SLC2A12: variants seen among roughly 807,000 people sequenced by gnomAD.
SLC2A12 encodes solute carrier family 2, facilitated glucose transporter member 12.
In SLC2A12, 23 loss-of-function variants were observed where a neutral mutation model predicts 41.8. The observed-to-expected ratio is 0.55, with a 90% CI of 0.40 to 0.78. SLC2A12 has a LOEUF of 0.78. SLC2A12 is among the 30% of genes least tolerant of loss of function. The pLI, the probability that SLC2A12 is intolerant of heterozygous loss-of-function variation, is 0.00. For missense variants in SLC2A12, 654 were observed against 745.6 expected (o/e 0.88, Z 1.43); for synonymous variants, 295 against 285.9 (o/e 1.03, Z -0.32).
At chr6:134,047,849 C>G (rs1262487432) in intron 1 of SLC2A12, among the ~76,000 whole-genome samples, 1 of 152,198 alleles carries the variant, frequency 6.6e-6, no homozygotes, top group Non-Finnish European at 1.5e-5. Context: ...TCAGATGGGC[C>G]CAACCTCTTG....
At chr6:134,005,043 C>T (rs570224157) in intron 3 of SLC2A12, among the ~76,000 whole-genome samples, 9 of 152,234 alleles carry the variant, frequency 5.9e-5, no homozygotes, top group African/African-American at 2.2e-4. Flanking sequence ...TTTATTTTAG[C>T]TCTATCATTC....
At chr6:133,999,539 G>GCCTTCACTAC (rs1228676362) in intron 4 of SLC2A12, among the ~76,000 whole-genome samples, 5 of 152,134 alleles carry the variant, frequency 3.3e-5, no homozygotes, top group Non-Finnish European at 7.4e-5. Flanking sequence ...GCTTCTTTCT[G>GCCTTCACTAC]CCTTCACTAC....
At chr6:133,998,525 T>A (rs1180103277) in intron 4 of SLC2A12, among the ~76,000 whole-genome samples, 1 of 152,210 alleles carries the variant, frequency 6.6e-6, no homozygotes, top group Non-Finnish European at 1.5e-5. Context: ...TCACAATAAT[T>A]CACAAAATTT....
chr6:134,029,286 AG>A lies in SLC2A12; in HGVS notation c.538del (p.Leu180PhefsTer24), dbSNP rs761340244. On this transcript the variant is annotated frameshift_variant, in exon 2 of 5. Transcript: ENST00000275230. LOFTEE classifies it high-confidence loss of function. ...TGCGTAATTTGAAATATAGGCAGAA[AG>A]AATGCCGATGACAATCATCAGCTCA... ...LNELMIVIGI[L>X]SAYISNYAFA... is the part of the protein sequence containing the mutation. 2 of 1,614,248 alleles carry A rather than the reference AG, an allele frequency of 1.2e-6. No homozygotes were observed. The highest frequency in any genetic ancestry group is 1.7e-6 in the Non-Finnish European group (2 of 1,180,044).
intron 4 of SLC2A12, among the ~76,000 whole-genome samples, chr6:133,992,280 A>C (rs780063701): frequency 3.3e-5 from 5 of 152,210 alleles, no homozygotes; most frequent in Non-Finnish European, 7.3e-5. Context: ...GTGTGTGGGC[A>C]TAGATGTAGG....
intron 2 of SLC2A12, among the ~76,000 whole-genome samples, chr6:134,011,696 C>T (rs1368214591): frequency 6.6e-6 from 1 of 152,020 alleles, no homozygotes; most frequent in Non-Finnish European, 1.5e-5. Flanking sequence ...CACGCCACTG[C>T]ACTACAGCCC....
intron 2 of SLC2A12, among the ~76,000 whole-genome samples, chr6:134,016,063 C>T (rs1024065512): frequency 6.6e-6 from 1 of 152,060 alleles, no homozygotes; most frequent in Non-Finnish European, 1.5e-5. Flanking sequence ...GGTTGGGAGC[C>T]AGTTCTCCGT....
chr6:133,990,912 T>G lies in SLC2A12; in HGVS notation c.*243A>C. The G allele has an allele frequency of 2.6e-6, 1 of 388,846 alleles. No individual in the cohort carries two copies. Among genetic ancestry groups the G allele is most frequent in the Non-Finnish European group, 4.5e-6 (1 of 220,926 alleles). 24.1% of individuals were successfully genotyped at this position (388,846 alleles called of 1,614,324 possible). A position where few individuals can be genotyped will look rare whatever the true frequency, so the allele number is the denominator to read the frequency against. On this transcript the variant is annotated 3_prime_UTR_variant, in exon 5 of 5. Transcript: ENST00000275230. ...AGTATTAAACCAGCCAGTAACTTTTTTTTTTTAACCTGATATCCTGCTCAG... is the reference window on the plus strand; with the variant it reads ...AGTATTAAACCAGCCAGTAACTTTTGTTTTTTAACCTGATATCCTGCTCAG...
chr6:134,043,778 G>T (rs1220111471), intron 1 of SLC2A12, among the ~76,000 whole-genome samples: 1 of 140,826 alleles, frequency 7.1e-6, no homozygotes, highest in Admixed American at 7.3e-5. Context: ...GCGACAGAGC[G>T]AGACTCTGTC....
At chr6:134,047,582 T>C (rs1056557698) in intron 1 of SLC2A12, among the ~76,000 whole-genome samples, 4 of 152,148 alleles carry the variant, frequency 2.6e-5, no homozygotes, top group Non-Finnish European at 5.9e-5. Context: ...TACCAACTAG[T>C]GTAAGCTCTA....
At chr6:134,000,229 T>G (rs1562190769) in intron 4 of SLC2A12, among the ~76,000 whole-genome samples, 1 of 152,224 alleles carries the variant, frequency 6.6e-6, no homozygotes, top group Non-Finnish European at 1.5e-5. Context: ...ATTTGATATT[T>G]ACCTTAAGCT....
rs986455685 is a variant in SLC2A12, at chr6:134,027,875, A to G, written c.1444+506T>C. 2.8e-4 allele frequency among the ~76,000 whole-genome samples: 43 copies of G among 152,246 alleles called. 1 individual carries two copies. The highest frequency in any genetic ancestry group is 1.3e-4 in the Non-Finnish European group (9 of 68,034). On this transcript the variant is annotated intron_variant, in intron 2 of 4. Transcript: ENST00000275230. ...GTAAAGTGCCATGGGAGGCTACTCT[A>G]GTGAATAAGATGTACTCAAAATAGT...
At chr6:134,048,704 G>A (rs1376183043) in intron 1 of SLC2A12, among the ~76,000 whole-genome samples, 1 of 152,116 alleles carries the variant, frequency 6.6e-6, no homozygotes, top group African/African-American at 2.4e-5. Context: ...TTTTGTCACG[G>A]GTTTTGATGC....
At position 134,002,007 on chromosome 6, in the gene SLC2A12, G is replaced by A; in HGVS notation, c.1690C>T (p.Leu564=). ...GCSLEQISME[L]AKVNYVKNNI... ...GCATGTAATACTTACACTTTTGCTA[G>A]CTCCATTGATATTTGTTCCAAAGAG... The change falls in exon 4 of 5, where the codon CTA becomes TTA. Residue 564 remains leucine, a synonymous_variant. Transcript: ENST00000275230. 2.5e-6 allele frequency: 4 copies of A among 1,609,064 alleles called. No homozygotes were observed. The highest frequency in any genetic ancestry group is 1.7e-6 in the Non-Finnish European group (2 of 1,178,576).
intron 2 of SLC2A12, among the ~76,000 whole-genome samples, chr6:134,016,626 C>T (rs1776966591): frequency 6.6e-6 from 1 of 151,970 alleles, no homozygotes; most frequent in South Asian, 2.1e-4. Context: ...TAATAAACTG[C>T]CCTTTGTCTC....
At position 134,028,883 on chromosome 6, in the gene SLC2A12, C is replaced by T. The variant is rs140385207; in HGVS notation, c.942G>A (p.Glu314=). Residue 314 remains glutamate, a synonymous_variant, in exon 2 of 5, where the codon GAG becomes GAA. Coordinates refer to ENST00000275230, the MANE Select transcript of SLC2A12 (RefSeq NM_145176.3). ...VLKSVGFQSN[E]AASLASTGVG... ...CCCCAGTGGAGGCGAGGCTAGCTGC[C>T]TCATTGCTTTGAAATCCAACTGACT... is the stretch of plus-strand genomic sequence containing the variant. 37 of 1,614,100 alleles carry T rather than the reference C, an allele frequency of 2.3e-5. No individual in the cohort carries two copies. The Middle Eastern group carries it at 8.2e-4, about 36-fold the overall frequency.
At chr6:134,019,078 A>G (rs1777006710) in intron 2 of SLC2A12, among the ~76,000 whole-genome samples, 1 of 152,234 alleles carries the variant, frequency 6.6e-6, no homozygotes, top group African/African-American at 2.4e-5. Context: ...CTAACTTCGT[A>G]TGTGACCTTG....
At chr6:134,032,449 A>AAT (rs1224295083) in intron 1 of SLC2A12, among the ~76,000 whole-genome samples, 31 of 31,972 alleles carry the variant, frequency 9.7e-4, no homozygotes, top group South Asian at 4.1e-3. Flanking sequence ...TATATATATA[A>AAT]ATATATATAT....
Position 134,028,412 on chromosome 6 carries a change from A to G in SLC2A12, c.1413T>C (p.Tyr471=). Residue 471 remains tyrosine (Y), a synonymous_variant, in exon 2 of 5, where the codon TAT becomes TAC. Coordinates refer to ENST00000275230, the MANE Select transcript of SLC2A12 (RefSeq NM_145176.3). The part of the protein sequence containing the change: ...KWLSLASLLV[Y]VAAFSIGLGP... ...CTAGACCAATTGAAAAAGCAGCAAC[A>G]TAAACAAGCAAGCTGGCTAAGGACA... is the stretch of plus-strand genomic sequence containing the variant. 1 of 1,613,618 alleles carries G rather than the reference A, an allele frequency of 6.2e-7. No homozygotes were observed. The highest frequency in any genetic ancestry group is 8.5e-7 in the Non-Finnish European group (1 of 1,179,768).
Sources: gnomAD v4.1 joint callset for allele counts (sites outside exome capture counted in the v4.1 genomes callset) on GRCh38, gnomAD v4.1.1 for gene constraint, MANE v1.5 for transcripts, NCBI Gene and HGNC (gene_info 2026-07-23, HGNC 2026-07-21) for gene names.